The following UGT1A8 variants were observed in gnomAD, a reference collection of about 807,000 sequenced individuals.
The protein encoded by UGT1A8 is UDP-glucuronosyltransferase 1A8.
A neutral mutation model predicts 45.3 loss-of-function variants in UGT1A8; 39 were observed. The observed-to-expected ratio is 0.86, with a 90% CI of 0.67 to 1.12. The LOEUF (loss-of-function observed/expected upper bound fraction) is 1.12. Among genes scored for constraint, UGT1A8 ranks in the 50% most tolerant of loss-of-function variants. The probability of loss-of-function intolerance (pLI) is 0.00; values close to 1 mark genes in which losing one functional copy is unlikely to be tolerated. For synonymous variants in UGT1A8, 275 were observed against 249.2 expected, an observed-to-expected ratio of 1.10 and a Z score of -0.97; for missense variants, 719 against 664.9, an observed-to-expected ratio of 1.08 and a Z score of -0.90.
At chr2:233,686,325 T>C (rs2074783481) in intron 1 of UGT1A8, among the ~76,000 whole-genome samples, 2 of 152,026 alleles carry the variant, frequency 1.3e-5, no homozygotes. Flanking sequence ...TTTATCAAAA[T>C]GTTTTTATAC....
chr2:233,640,034 C>T (rs1308383616), intron 1 of UGT1A8, among the ~76,000 whole-genome samples: 1 of 152,178 alleles, frequency 6.6e-6, no homozygotes, highest in African/African-American at 2.4e-5. Context: ...TGCAGCTCTG[C>T]AGACCTGGGG....
At chr2:233,672,905 A>G in intron 1 of UGT1A8, 1 of 1,508,148 alleles carries the variant, frequency 6.6e-7, no homozygotes. Context: ...ATTTCTTTCC[A>G]GTTTAACAAA....
chr2:233,695,832 C>G (rs1356599606), intron 1 of UGT1A8, among the ~76,000 whole-genome samples: 1 of 152,100 alleles, frequency 6.6e-6, no homozygotes, highest in Admixed American at 6.5e-5. Context: ...ACAAAAAACT[C>G]AAAGGGTTTT....
At chr2:233,756,025 C>T (rs1696093592) in intron 1 of UGT1A8, 1 of 152,194 alleles carries the variant, frequency 6.6e-6, no homozygotes, top group African/African-American at 2.4e-5. Context: ...TTACACATCC[C>T]CCATGTAGCT....
intron 1 of UGT1A8, among the ~76,000 whole-genome samples, chr2:233,696,280 G>A (rs1402810129): frequency 1.3e-5 from 2 of 152,172 alleles, no homozygotes; most frequent in East Asian, 1.9e-4. Flanking sequence ...TAAAGAAAAC[G>A]TAGGACTGTA....
At chr2:233,718,193 G>A (rs1200369383) in intron 1 of UGT1A8, among the ~76,000 whole-genome samples, 4 of 152,124 alleles carry the variant, frequency 2.6e-5, no homozygotes, top group Admixed American at 1.3e-4. Context: ...CAGCCTCCCC[G>A]GAGCTTTTTT....
At position 233,767,068 on chromosome 2, in the gene UGT1A8, A is replaced by G. The variant is rs1055696021; in HGVS notation, c.890A>G (p.His297Arg). 45 of 1,614,026 alleles carry G rather than the reference A, an allele frequency of 2.8e-5. No individual in the cohort carries two copies. Among genetic ancestry groups the G allele is most frequent in the Non-Finnish European group, 3.6e-5 (43 of 1,180,024 alleles). The change falls in exon 2 of 5, where the codon CAT becomes CGT. Residue 297 changes from histidine to arginine, a missense_variant. Physicochemically the swap from His to Arg is conservative, Grantham distance 29. Coordinates refer to ENST00000373450, the MANE Select transcript of UGT1A8 (RefSeq NM_019076.5). ...GCCTACATTAATGCTTCTGGAGAAC[A>G]TGGAATTGTGGTTTTCTCTTTGGGA... Reference protein sequence around the residue: ...FEAYINASGEHGIVVFSLGSM... With the variant: ...FEAYINASGERGIVVFSLGSM...
intron 1 of UGT1A8, chr2:233,672,112 C>T (rs754927853): frequency 2.5e-6 from 4 of 1,613,982 alleles, no homozygotes; most frequent in Non-Finnish European, 2.5e-6. Flanking sequence ...TGTAGTCATG[C>T]CAGAGGTGAG....
At chr2:233,661,387 T>C (rs1456304550) in intron 1 of UGT1A8, among the ~76,000 whole-genome samples, 3 of 152,130 alleles carry the variant, frequency 2.0e-5, no homozygotes, top group African/African-American at 7.2e-5. Flanking sequence ...TAGTTTTCAC[T>C]TGGTTAAAAA....
rs567044237 is a variant in UGT1A8 at position 233,708,043 on chromosome 2, C to A, written c.856-58991C>A. 5.3e-5 allele frequency among the ~76,000 whole-genome samples: 8 copies of A among 152,266 alleles called. No homozygotes were observed. In the East Asian group the frequency reaches 1.5e-3, roughly 29 times the overall value. Reference sequence around the variant, plus strand: ...AGTTCTTTGGCAGTTATAGATATTGCAAATATCTTCCCCCACTCTGCATCT... The same window carrying A: ...AGTTCTTTGGCAGTTATAGATATTGAAAATATCTTCCCCCACTCTGCATCT... On this transcript the variant is annotated intron_variant, in intron 1 of 4. Transcript: ENST00000373450.
chr2:233,625,501 T>C (rs975572911), intron 1 of UGT1A8, among the ~76,000 whole-genome samples: 1 of 152,142 alleles, frequency 6.6e-6, no homozygotes, highest in African/African-American at 2.4e-5. Flanking sequence ...GGTATGTTCA[T>C]TGCAGCTCTA....
intron 1 of UGT1A8, among the ~76,000 whole-genome samples, chr2:233,664,806 A>G (rs2074040295): frequency 6.6e-6 from 1 of 152,130 alleles, no homozygotes; most frequent in Non-Finnish European, 1.5e-5. Flanking sequence ...ATAACACTGA[A>G]CTGTGATTTG....
intron 1 of UGT1A8, among the ~76,000 whole-genome samples, chr2:233,725,221 A>G: frequency 1.1e-5 from 1 of 87,460 alleles, no homozygotes; most frequent in African/African-American, 8.3e-5. Context: ...GAGGCAGAGG[A>G]GGCAGAGGCA....
chr2:233,725,813 T>C (rs566804678), intron 1 of UGT1A8, among the ~76,000 whole-genome samples: 29 of 152,324 alleles, frequency 1.9e-4, no homozygotes, highest in African/African-American at 7.0e-4. Context: ...ATCCATTTTA[T>C]TGGATACCAG....
intron 1 of UGT1A8, among the ~76,000 whole-genome samples, chr2:233,695,435 CT>C (rs747907611): frequency 1.0e-4 from 13 of 130,450 alleles, no homozygotes; most frequent in African/African-American, 1.1e-4. Flanking sequence ...TCTTCTTCTT[CT>C]TTTTTTTTTG....
Position 233,724,489 on chromosome 2 carries a change from G to A in UGT1A8, c.856-42545G>A, listed in dbSNP as rs571092299. Among the ~76,000 whole-genome samples the A allele has an allele frequency of 7.6e-3, 558 of 73,198 alleles. 28 individuals carry two copies. The highest frequency in any genetic ancestry group is 0.012 in the Non-Finnish European group (429 of 34,572). 48.0% of individuals were successfully genotyped at this position (73,198 alleles called of 152,430 possible). A position where few individuals can be genotyped will look rare whatever the true frequency, so the allele number is the denominator to read the frequency against. ...GGGCTCCTCACTTCTCAGACGGGGC[G>A]GCCGGGCAGAGACGCTCCTCACCTC... On this transcript the variant is annotated intron_variant, in intron 1 of 4. Coordinates refer to ENST00000373450, the MANE Select transcript of UGT1A8 (RefSeq NM_019076.5).
At chr2:233,717,189 G>A (rs769962045) in intron 1 of UGT1A8, among the ~76,000 whole-genome samples, 4 of 152,156 alleles carry the variant, frequency 2.6e-5, no homozygotes, top group South Asian at 2.1e-4. Context: ...CACCCTCCCA[G>A]GCATGTTCCA....
Position 233,672,334 on chromosome 2 carries a change from G to A in UGT1A8, c.855+53772G>A, listed in dbSNP as rs773976582. 6.2e-6 allele frequency: 10 copies of A among 1,614,074 alleles called. No homozygotes were observed. The South Asian group carries it at 1.1e-4, about 18-fold the overall frequency. ...GAGTTTGTTTAAAGACAAAAAATTA[G>A]TAGAATACTTAAAGGAGAGTTCTTT... On this transcript the variant is annotated intron_variant, in intron 1 of 4. Transcript: ENST00000373450.
chr2:233,742,570 A>C (rs1348152988), intron 1 of UGT1A8, among the ~76,000 whole-genome samples: 2 of 151,766 alleles, frequency 1.3e-5, no homozygotes, highest in Non-Finnish European at 2.9e-5. Flanking sequence ...TTCTGGCCGG[A>C]ATTGGGGGCT....
Sources: gnomAD v4.1 joint callset for allele counts (sites outside exome capture counted in the v4.1 genomes callset) on GRCh38, gnomAD v4.1.1 for gene constraint, MANE v1.5 for transcripts, NCBI Gene and HGNC (gene_info 2026-07-23, HGNC 2026-07-21) for gene names.